The following C10orf105 variants were observed in gnomAD, a reference collection of about 807,000 sequenced individuals.
C10orf105 encodes chromosome 10 open reading frame 105, also known as uncharacterized protein C10orf105.
C10orf105 carries 2 observed loss-of-function variants against 0.6 expected under a neutral mutation model. The observed-to-expected ratio is 3.18, with a 90% CI of 1.30 to 10.01. C10orf105 has a LOEUF of 10.01. Among genes scored for constraint, C10orf105 ranks in the 30% most tolerant of loss-of-function variants. C10orf105 has a pLI of 0.04. For missense variants in C10orf105, 209 were observed against 191.4 expected (o/e 1.09, Z -0.54); for synonymous variants, 95 against 82.4 (o/e 1.15, Z -0.83).
rs1232373270 is a variant in C10orf105 at position 71,713,423 on chromosome 10, G to A, written c.*2513C>T. 14 of 614,638 alleles carry A rather than the reference G, an allele frequency of 2.3e-5. No individual in the cohort carries two copies. The highest frequency in any genetic ancestry group is 1.7e-4 in the South Asian group (9 of 51,820). The allele number at this position is 614,638 out of a possible 1,614,324, so 38.1% of individuals were successfully genotyped here. ...TCTCTTTACCAACTATGGGGTTTCC[G>A]ACTCGGAGGCTGAGCCAAACAGGGA... On this transcript the variant is annotated 3_prime_UTR_variant, in exon 2 of 2. Coordinates refer to ENST00000441508, the MANE Select transcript of C10orf105 (RefSeq NM_001164375.3).
In C10orf105 at chr10:71,713,375, G is replaced by A. The variant is rs995869843; in HGVS notation, c.*2561C>T. On this transcript the variant is annotated 3_prime_UTR_variant, in exon 2 of 2. Transcript: ENST00000441508. ...CCAGAGGCCTCAGTTGCTGGGTGGGGAGGGAGGCCCGGAGTGAATGAGTCT... is the reference window on the plus strand; with the variant it reads ...CCAGAGGCCTCAGTTGCTGGGTGGGAAGGGAGGCCCGGAGTGAATGAGTCT... 1.4e-6 allele frequency: 1 copy of A among 736,194 alleles called. No homozygotes were observed. The allele number at this position is 736,194 out of a possible 1,614,324, so 45.6% of individuals were successfully genotyped here. A position where few individuals can be genotyped will look rare whatever the true frequency, so the allele number is the denominator to read the frequency against.
upstream of C10orf105, among the ~76,000 whole-genome samples, chr10:71,721,998 A>T (rs1482481181): frequency 6.6e-6 from 1 of 152,222 alleles, no homozygotes; most frequent in Non-Finnish European, 1.5e-5. Flanking sequence ...CCTCCTTTGG[A>T]AACCTTCAGC....
intron 1 of C10orf105, among the ~76,000 whole-genome samples, chr10:71,727,661 A>C (rs1866877565): frequency 6.6e-6 from 1 of 152,146 alleles, no homozygotes; most frequent in African/African-American, 2.4e-5. Flanking sequence ...TTCACGACAC[A>C]TACACACACA....
upstream of C10orf105, chr10:71,723,959 T>C: frequency 8.2e-6 from 12 of 1,466,956 alleles, no homozygotes; most frequent in Non-Finnish European, 1.1e-5. Context: ...GTAGGATGCG[T>C]GAAGGGAAGG....
At position 71,713,078 on chromosome 10, in the gene C10orf105, T is replaced by C. The variant is rs1233391148; in HGVS notation, c.*2858A>G. On this transcript the variant is annotated 3_prime_UTR_variant, in exon 2 of 2. Transcript: ENST00000441508. ...AAGACTTGGCCTCCCCCTGCATATCTCCCGCCCCACCCAGAAGGGCCTTTC... is the reference window on the plus strand; with the variant it reads ...AAGACTTGGCCTCCCCCTGCATATCCCCCGCCCCACCCAGAAGGGCCTTTC... 1.3e-6 allele frequency: 1 copy of C among 751,290 alleles called. No individual in the cohort carries two copies. The highest frequency in any genetic ancestry group is 1.4e-5 in the South Asian group (1 of 70,502). 46.5% of individuals were successfully genotyped at this position (751,290 alleles called of 1,614,324 possible).
At chr10:71,735,300 G>A (rs1387250211) in intron 1 of C10orf105, among the ~76,000 whole-genome samples, 1 of 152,182 alleles carries the variant, frequency 6.6e-6, no homozygotes, top group Non-Finnish European at 1.5e-5. Context: ...CAGCCTCTAA[G>A]TAAAGGCAGA....
intron 1 of C10orf105, among the ~76,000 whole-genome samples, chr10:71,730,955 C>T (rs752001180): frequency 6.6e-5 from 10 of 152,290 alleles, no homozygotes; most frequent in African/African-American, 1.4e-4. Flanking sequence ...AAGCTGGCTG[C>T]GGCCTGGCCT....
Position 71,730,502 on chromosome 10 carries a change from G to A in C10orf105, c.-6+7226C>T, listed in dbSNP as rs886047134. On this transcript the variant is annotated intron_variant, in intron 1 of 1. Coordinates refer to the C10orf105 transcript ENST00000398786. ...GTACGTGGAGGACATCAACGATGAG[G>A]CCCCCGTGTTCACACAGCAGCAGTA... is the stretch of plus-strand genomic sequence containing the variant. The A allele has an allele frequency of 6.2e-7, 1 of 1,613,902 alleles. No homozygotes were observed. The highest frequency in any genetic ancestry group is 1.1e-5 in the South Asian group (1 of 91,076).
chr10:71,712,698 C>A lies in C10orf105; in HGVS notation c.*3238G>T. On this transcript the variant is annotated 3_prime_UTR_variant, in exon 2 of 2. Coordinates refer to ENST00000441508, the MANE Select transcript of C10orf105 (RefSeq NM_001164375.3). The stretch of plus-strand genomic sequence containing the variant: ...CCTGTAGGGAAGCGACACACGGGCA[C>A]AGCCACCGTGTTCGTCACTGTCCTG... 1 of 1,613,730 alleles carries A rather than the reference C, an allele frequency of 6.2e-7. No homozygotes were observed. The highest frequency in any genetic ancestry group is 1.3e-5 in the African/African-American group (1 of 75,078).
upstream of C10orf105, chr10:71,724,070 G>A: frequency 6.4e-7 from 1 of 1,560,312 alleles, no homozygotes; most frequent in South Asian, 1.2e-5. Flanking sequence ...GCAGATGAGG[G>A]CGAGTTTGGG....
chr10:71,730,289 G>T (rs894777098), intron 1 of C10orf105, among the ~76,000 whole-genome samples: 1 of 152,166 alleles, frequency 6.6e-6, no homozygotes, highest in Non-Finnish European at 1.5e-5. Flanking sequence ...CCTGCCACGC[G>T]CCAGGTGCTG....
At position 71,713,470 on chromosome 10, in the gene C10orf105, C is replaced by G; in HGVS notation, c.*2466G>C. ...GGGAATCTGGGCCTGCCCACTGGGG[C>G]AGGCTCCCGGGCTTGGGAGGGACAG... On this transcript the variant is annotated 3_prime_UTR_variant, in exon 2 of 2. Coordinates refer to ENST00000441508, the MANE Select transcript of C10orf105 (RefSeq NM_001164375.3). The G allele has an allele frequency of 1.7e-6, 1 of 583,316 alleles. No homozygotes were observed. The highest frequency in any genetic ancestry group is 2.9e-5 in the East Asian group (1 of 35,000). The allele number at this position is 583,316 out of a possible 1,614,324, so 36.1% of individuals were successfully genotyped here.
At chr10:71,720,941 C>T (rs577531930), upstream of C10orf105, among the ~76,000 whole-genome samples, 55 of 152,296 alleles carry the variant, frequency 3.6e-4, 2 homozygotes, top group South Asian at 5.8e-3. Flanking sequence ...GCAAAGCATC[C>T]GGCCCAAAGG....
At position 71,725,242 on chromosome 10, in the gene C10orf105, G is replaced by A. The variant is rs906264215; in HGVS notation, c.-5-8900C>T. On this transcript the variant is annotated intron_variant, in intron 1 of 1. Transcript: ENST00000398786. The stretch of plus-strand genomic sequence containing the variant: ...GCTTCCTCTCCACTGTGAATTCTGT[G>A]TCCCAGAAGACCCGCAGCCTCCTCA... 2.0e-6 allele frequency: 3 copies of A among 1,493,734 alleles called. No individual in the cohort carries two copies. In the African/African-American group the frequency reaches 4.1e-5, roughly 20 times the overall value. The allele number at this position is 1,493,734 out of a possible 1,614,324, so 92.5% of individuals were successfully genotyped here.
intron 1 of C10orf105, chr10:71,732,644 CA>C: frequency 4.0e-5 from 56 of 1,388,792 alleles, no homozygotes; most frequent in South Asian, 1.4e-4. Flanking sequence ...TACAAAGAAA[CA>C]AAAAAAAGTC....
chr10:71,712,670 G>A lies in C10orf105; in HGVS notation c.*3266C>T, dbSNP rs1368702540. On this transcript the variant is annotated 3_prime_UTR_variant, in exon 2 of 2. Transcript: ENST00000441508. ...TCTTCCTTCAACTCCCACAGACAAC[G>A]GCCCTGTAGGGAAGCGACACACGGG... The A allele has an allele frequency of 5.0e-6, 8 of 1,613,362 alleles. No homozygotes were observed. The highest frequency in any genetic ancestry group is 1.1e-5 in the South Asian group (1 of 91,080).
chr10:71,722,117 G>A (rs771963829), upstream of C10orf105, among the ~76,000 whole-genome samples: 8 of 152,136 alleles, frequency 5.3e-5, no homozygotes, highest in South Asian at 2.1e-4. Flanking sequence ...TTAGGGCTTC[G>A]GGTGGCAAGA....
chr10:71,734,114 GAC>G, intron 1 of C10orf105: 1 of 780,638 alleles, frequency 1.3e-6, no homozygotes, highest in South Asian at 1.5e-5. Context: ...GAATTCAACA[GAC>G]AGAGTGTCCT....
rs199510686 is a variant in C10orf105, at chr10:71,712,745, A to G, written c.*3191T>C. On this transcript the variant is annotated 3_prime_UTR_variant, in exon 2 of 2. Coordinates refer to ENST00000441508, the MANE Select transcript of C10orf105 (RefSeq NM_001164375.3). ...CCTGGATGTGAATGACAACCGGCCC[A>G]TCTTTCTGCAGAGCAGCTATGAGGC... 1.4e-4 allele frequency: 219 copies of G among 1,613,542 alleles called. No homozygotes were observed. Among genetic ancestry groups the G allele is most frequent in the Non-Finnish European group, 1.4e-4 (165 of 1,179,850 alleles).
Sources: gnomAD v4.1 joint callset for allele counts (sites outside exome capture counted in the v4.1 genomes callset) on GRCh38, gnomAD v4.1.1 for gene constraint, MANE v1.5 for transcripts, NCBI Gene and HGNC (gene_info 2026-07-23, HGNC 2026-07-21) for gene names.